Variants in CATSPERE observed in about 807,000 individuals in gnomAD.
The protein encoded by CATSPERE is catsper channel auxiliary subunit epsilon, also known as cation channel sperm-associated auxiliary subunit epsilon.
Under a neutral mutation model 114.1 loss-of-function variants are expected in CATSPERE, and 93 were observed. That is an observed-to-expected ratio of 0.81 (90% CI 0.69 to 0.97). The LOEUF is 0.97. Among genes scored for constraint, CATSPERE ranks in the 50% least tolerant of loss-of-function variants. The probability of loss-of-function intolerance (pLI) is 0.00; values close to 1 mark genes in which losing one functional copy is unlikely to be tolerated. For missense variants in CATSPERE, 1,058 were observed against 1,131.6 expected (o/e 0.93, Z 0.93); for synonymous variants, 341 against 384.1 (o/e 0.89, Z 1.31).
intron 8 of CATSPERE, among the ~76,000 whole-genome samples, chr1:244,521,159 G>A (rs1394518865): frequency 6.6e-6 from 1 of 152,086 alleles, no homozygotes; most frequent in Non-Finnish European, 1.5e-5. Context: ...TTTCAGACCA[G>A]TCTGGGAAAC....
intron 7 of CATSPERE, among the ~76,000 whole-genome samples, chr1:244,505,097 C>T (rs999751129): frequency 1.3e-5 from 2 of 152,160 alleles, no homozygotes; most frequent in Non-Finnish European, 2.9e-5. Flanking sequence ...CTCTTTCAGT[C>T]AGCTCCTGCA....
chr1:244,627,702 A>C (rs1673389953), intron 20 of CATSPERE, among the ~76,000 whole-genome samples: 2 of 152,254 alleles, frequency 1.3e-5, no homozygotes, highest in South Asian at 4.1e-4. Flanking sequence ...TGCCATTCAC[A>C]GTATCTGCCA....
chr1:244,528,654 CTT>C (rs1228715587), intron 8 of CATSPERE, among the ~76,000 whole-genome samples: 2 of 152,062 alleles, frequency 1.3e-5, no homozygotes, highest in Admixed American at 6.6e-5. Context: ...TAATTATACT[CTT>C]TTAGTTATTT....
chr1:244,561,140 T>C lies in CATSPERE; in HGVS notation c.1502T>C (p.Phe501Ser). The C allele has an allele frequency of 6.4e-7, 1 of 1,570,414 alleles. No individual in the cohort carries two copies. The highest frequency in any genetic ancestry group is 8.7e-7 in the Non-Finnish European group (1 of 1,143,818). ...LSNDSIIHEV[F>S]IDYYGDILVK... is the part of the protein sequence containing the mutation. ...AATGACAGCATTATTCATGAAGTTT[T>C]CATAGGTAAGGCATTCTCAGTCCAC... Residue 501 changes from phenylalanine to serine, a missense_variant, in exon 10 of 22, where the codon TTC (phenylalanine) becomes TCC (serine). Around this residue, in one of 2 missense-constraint regions of CATSPERE, gnomAD observed 787 missense variants for 905.6 expected, o/e 0.87. Coordinates refer to ENST00000366534, the MANE Select transcript of CATSPERE (RefSeq NM_001130957.2).
intron 9 of CATSPERE, 60 bp from the exon 10 acceptor site, chr1:244,560,608 A>G (rs1662411494): frequency 1.1e-6 from 1 of 944,230 alleles, no homozygotes; most frequent in Admixed American, 2.9e-5. Context: ...AAAAAAGAGA[A>G]ATTGTTAGGC....
In CATSPERE at chr1:244,494,304, G is replaced by A. The variant is rs533129022; in HGVS notation, c.351+3833G>A. Among the ~76,000 whole-genome samples the A allele has an allele frequency of 1.2e-4, 18 of 151,928 alleles. No homozygotes were observed. In the East Asian group the frequency reaches 3.5e-3, roughly 29 times the overall value. On this transcript the variant is annotated intron_variant, in intron 6 of 21. Transcript: ENST00000366534. ...ATGAAGAATTCATGTCCTTTGTAGG[G>A]ACATGGATGAAACTGGAAACCATCA...
Position 244,569,089 on chromosome 1 carries a change from A to G in CATSPERE, c.1508-3241A>G, listed in dbSNP as rs549555015. On this transcript the variant is annotated intron_variant, in intron 10 of 21. Transcript: ENST00000366534. ...ACTGTTCCTCATGGCACAGTCCCTCATGGCTTCCCTTGGCTAGGGGAGGGA... is the reference window on the plus strand; with the variant it reads ...ACTGTTCCTCATGGCACAGTCCCTCGTGGCTTCCCTTGGCTAGGGGAGGGA... 3.4e-4 allele frequency among the ~76,000 whole-genome samples: 51 copies of G among 149,094 alleles called. 1 individual carries two copies. The highest frequency in any genetic ancestry group is 3.4e-3 in the Middle Eastern group (1 of 292).
At chr1:244,621,291 CTATATAAATATATAAA>C (rs1489904466) in intron 20 of CATSPERE, among the ~76,000 whole-genome samples, 1 of 45,158 alleles carries the variant, frequency 2.2e-5, no homozygotes, top group Non-Finnish European at 4.5e-5. Flanking sequence ...ATAGATATAT[CTATATAAATATATAAA>C]TATATAAAAT....
intron 2 of CATSPERE, among the ~76,000 whole-genome samples, chr1:244,474,657 T>A (rs1668996913): frequency 6.6e-6 from 1 of 151,968 alleles, no homozygotes; most frequent in Admixed American, 6.6e-5. Context: ...TATATTGGAT[T>A]TTCTGTGCCT....
At chr1:244,618,266 A>G (rs1671646936) in intron 20 of CATSPERE, among the ~76,000 whole-genome samples, 1 of 152,202 alleles carries the variant, frequency 6.6e-6, no homozygotes, top group Non-Finnish European at 1.5e-5. Flanking sequence ...AAAGGTTAGC[A>G]TATTGTCTAT....
chr1:244,553,448 T>C (rs1260701482), intron 9 of CATSPERE, among the ~76,000 whole-genome samples: 1 of 151,264 alleles, frequency 6.6e-6, no homozygotes, highest in Non-Finnish European at 1.5e-5. Context: ...CTACAGTGCC[T>C]GTAGTGGTGG....
At chr1:244,558,900 C>G (rs566616450) in intron 9 of CATSPERE, among the ~76,000 whole-genome samples, 3 of 152,192 alleles carry the variant, frequency 2.0e-5, no homozygotes, top group Non-Finnish European at 4.4e-5. Flanking sequence ...TCCCTTACCC[C>G]ACTCCTAGTC....
At position 244,617,864 on chromosome 1, in the gene CATSPERE, TAATTA is replaced by T. The variant is rs200873713; in HGVS notation, c.2648+185_2648+189del. 6.1e-4 allele frequency among the ~76,000 whole-genome samples: 93 copies of T among 152,332 alleles called. No individual in the cohort carries two copies. In the East Asian group the frequency reaches 0.017, roughly 28 times the overall value. On this transcript the variant is annotated intron_variant, in intron 20 of 21. Coordinates refer to ENST00000366534, the MANE Select transcript of CATSPERE (RefSeq NM_001130957.2). The stretch of plus-strand genomic sequence containing the variant: ...GTGGGTAGAAGATTTTATGTTGTGT[TAATTA>T]AATTAATCAATTTACAATTACATTC...
chr1:244,581,913 T>G, intron 12 of CATSPERE, 59 bp downstream of exon 12: 4 of 724,724 alleles, frequency 5.5e-6, no homozygotes, highest in Non-Finnish European at 8.8e-6. Context: ...AGGTTATTGA[T>G]TTGTGGGTGT....
At chr1:244,476,465 T>C (rs1174273344) in intron 2 of CATSPERE, among the ~76,000 whole-genome samples, 3 of 152,188 alleles carry the variant, frequency 2.0e-5, no homozygotes, top group African/African-American at 7.2e-5. Context: ...CTTGTAGCAG[T>C]TCTATCAAAT....
At chr1:244,599,458 G>A (rs1400186103) in intron 17 of CATSPERE, among the ~76,000 whole-genome samples, 2 of 152,060 alleles carry the variant, frequency 1.3e-5, no homozygotes, top group Non-Finnish European at 2.9e-5. Flanking sequence ...CATTAACAAA[G>A]CCTATTGGGT....
intron 6 of CATSPERE, among the ~76,000 whole-genome samples, chr1:244,492,832 ACT>A (rs1672445411): frequency 6.8e-6 from 1 of 147,434 alleles, no homozygotes; most frequent in African/African-American, 2.5e-5. Context: ...TCATGAGTGA[ACT>A]CCCATTCACA....
chr1:244,594,884 C>T (rs576457437), intron 17 of CATSPERE, among the ~76,000 whole-genome samples: 31 of 152,200 alleles, frequency 2.0e-4, no homozygotes, highest in African/African-American at 7.5e-4. Context: ...AATCATACTC[C>T]AGCAGTCCGT....
intron 8 of CATSPERE, among the ~76,000 whole-genome samples, chr1:244,525,559 A>T (rs999346416): frequency 2.6e-5 from 4 of 152,100 alleles, no homozygotes; most frequent in African/African-American, 4.8e-5. Flanking sequence ...TGAAACACTA[A>T]TGTGGATTGC....
Sources: gnomAD v4.1 joint callset for allele counts (sites outside exome capture counted in the v4.1 genomes callset) on GRCh38, gnomAD v4.1.1 for gene constraint, gnomAD v4.1.1 regional missense constraint, MANE v1.5 for transcripts, NCBI Gene and HGNC (gene_info 2026-07-23, HGNC 2026-07-21) for gene names.